Variants in SUPT3H observed in about 807,000 individuals in gnomAD.
The protein encoded by SUPT3H is transcription initiation protein SPT3 homolog.
SUPT3H carries 44 observed loss-of-function variants against 44.3 expected under a neutral mutation model. The observed-to-expected ratio is 0.99, with a 90% CI of 0.78 to 1.28. SUPT3H has a LOEUF of 1.28. SUPT3H is among the 50% of genes most tolerant of loss of function. The pLI is 0.00. For synonymous variants in SUPT3H, 124 were observed against 125.6 expected (o/e 0.99, Z 0.09); for missense variants, 380 against 387.1 (o/e 0.98, Z 0.15).
intron 2 of SUPT3H, among the ~76,000 whole-genome samples, chr6:45,123,191 G>A (rs868000335): frequency 8.5e-5 from 13 of 152,134 alleles, no homozygotes; most frequent in Admixed American, 6.5e-4. Context: ...GCTGAGGAAT[G>A]CAAATGTAAA....
At chr6:45,039,894 TG>T (rs1263291823) in intron 3 of SUPT3H, among the ~76,000 whole-genome samples, 1 of 152,110 alleles carries the variant, frequency 6.6e-6, no homozygotes, top group Non-Finnish European at 1.5e-5. Flanking sequence ...TTGCTATGCT[TG>T]AATAAAATGC....
At chr6:45,069,615 G>A (rs953804740) in intron 3 of SUPT3H, among the ~76,000 whole-genome samples, 1 of 152,042 alleles carries the variant, frequency 6.6e-6, no homozygotes, top group African/African-American at 2.4e-5. Context: ...CTATTTCCTA[G>A]AAAGTTCCTG....
chr6:45,003,793 C>A lies in SUPT3H; in HGVS notation c.365-1G>T. 1 of 1,613,280 alleles carries A rather than the reference C, an allele frequency of 6.2e-7. No individual in the cohort carries two copies. ...GCATTATTGCTGCCACTCAATTTGT[C>A]TTCATGAAGTCAAGGGAAAGAAAAA... On this transcript the variant is annotated splice_acceptor_variant, in intron 5 of 10. Coordinates refer to ENST00000371459, the MANE Select transcript of SUPT3H (RefSeq NM_003599.4). LOFTEE classifies it high-confidence loss of function.
In SUPT3H at chr6:45,095,663, C is replaced by A. The variant is rs569975747; in HGVS notation, c.186+10259G>T. On this transcript the variant is annotated intron_variant, in intron 3 of 10. Transcript: ENST00000371459. This position sits in a 1 kb window ranked among gnomAD's most constrained non-coding sequence, Gnocchi z 4.1. ...TTTTAAATGGAATGGTAATTACATTCTATGCATAAAATGTAGTGAATCTTT... is the reference window on the plus strand; with the variant it reads ...TTTTAAATGGAATGGTAATTACATTATATGCATAAAATGTAGTGAATCTTT... 4.5e-4 allele frequency among the ~76,000 whole-genome samples: 69 copies of A among 152,086 alleles called. No homozygotes were observed. The highest frequency in any genetic ancestry group is 9.0e-4 in the Non-Finnish European group (61 of 67,980).
chr6:44,864,377 TCA>T (rs1775157475), intron 10 of SUPT3H, among the ~76,000 whole-genome samples: 1 of 152,218 alleles, frequency 6.6e-6, no homozygotes, highest in Non-Finnish European at 1.5e-5. Context: ...GACCCTCTTC[TCA>T]CAGCTCCACT....
At chr6:44,888,190 G>C (rs1762649281) in intron 10 of SUPT3H, among the ~76,000 whole-genome samples, 2 of 152,154 alleles carry the variant, frequency 1.3e-5, no homozygotes, top group South Asian at 4.1e-4. Flanking sequence ...AGAGGTACAA[G>C]GAGGAATTGG....
chr6:45,044,219 G>T (rs968007296), intron 3 of SUPT3H, among the ~76,000 whole-genome samples: 2 of 151,912 alleles, frequency 1.3e-5, no homozygotes, highest in Admixed American at 1.3e-4. Flanking sequence ...TTCCAACCTC[G>T]CCCCTATGCA....
chr6:45,218,213 A>G (rs1765408677), intron 2 of SUPT3H, among the ~76,000 whole-genome samples: 1 of 152,200 alleles, frequency 6.6e-6, no homozygotes, highest in African/African-American at 2.4e-5. Flanking sequence ...TATTAATATC[A>G]GATAAGGTGA....
At chr6:45,239,075 C>T (rs1249689512) in intron 2 of SUPT3H, among the ~76,000 whole-genome samples, 3 of 152,220 alleles carry the variant, frequency 2.0e-5, no homozygotes, top group East Asian at 3.9e-4. Context: ...GCTCAAAATG[C>T]GGAGCTTGTA....
intron 2 of SUPT3H, among the ~76,000 whole-genome samples, chr6:45,313,610 C>T (rs1472722442): frequency 6.7e-6 from 1 of 148,390 alleles, no homozygotes; most frequent in Non-Finnish European, 1.5e-5. Flanking sequence ...ATACCTTGAA[C>T]AGACCAATAA....
At chr6:44,950,470 C>T (rs749789921) in intron 9 of SUPT3H, among the ~76,000 whole-genome samples, 30 of 152,060 alleles carry the variant, frequency 2.0e-4, no homozygotes, top group African/African-American at 6.0e-4. Context: ...AAAAAATAGC[C>T]GAGCATAGTG....
chr6:44,877,664 A>G (rs949996955), intron 10 of SUPT3H, among the ~76,000 whole-genome samples: 18 of 152,272 alleles, frequency 1.2e-4, no homozygotes, highest in South Asian at 6.2e-4. Flanking sequence ...GTGTATCTAT[A>G]TATCTATACA....
intron 3 of SUPT3H, among the ~76,000 whole-genome samples, chr6:45,046,653 A>G (rs1384483723): frequency 1.3e-5 from 2 of 152,224 alleles, no homozygotes. Context: ...CTATAGGTTT[A>G]CAGTGAGTTT....
intron 2 of SUPT3H, among the ~76,000 whole-genome samples, chr6:45,188,394 CA>C (rs1814597028): frequency 6.6e-6 from 1 of 152,168 alleles, no homozygotes; most frequent in Non-Finnish European, 1.5e-5. Context: ...CCTCAAACTG[CA>C]AGTTATGGCC....
intron 3 of SUPT3H, among the ~76,000 whole-genome samples, chr6:45,082,659 C>A (rs1318730075): frequency 1.3e-5 from 2 of 151,922 alleles, no homozygotes; most frequent in Non-Finnish European, 2.9e-5. Flanking sequence ...ATCATACTAC[C>A]AACATCATAG....
chr6:45,155,698 G>A (rs1473863740), intron 2 of SUPT3H, among the ~76,000 whole-genome samples: 2 of 152,084 alleles, frequency 1.3e-5, no homozygotes, highest in African/African-American at 4.8e-5. Context: ...AATGGAGTTA[G>A]TCATGCTACG....
intron 10 of SUPT3H, among the ~76,000 whole-genome samples, chr6:44,908,878 A>C (rs1381989242): frequency 2.6e-5 from 4 of 152,212 alleles, no homozygotes; most frequent in Non-Finnish European, 4.4e-5. Flanking sequence ...TAAAATTTTA[A>C]TAAATAGGTA....
chr6:45,212,704 T>C (rs1764332499), intron 2 of SUPT3H, among the ~76,000 whole-genome samples: 1 of 152,238 alleles, frequency 6.6e-6, no homozygotes, highest in Non-Finnish European at 1.5e-5. Flanking sequence ...TCTTCAGGGC[T>C]GACAATTTGC....
chr6:44,824,167 T>A (rs1419160862), downstream of SUPT3H, among the ~76,000 whole-genome samples: 1 of 152,204 alleles, frequency 6.6e-6, no homozygotes, highest in East Asian at 1.9e-4. Context: ...CTAAAGCCAT[T>A]TGGGCTCACC....
Sources: gnomAD v4.1 joint callset for allele counts (sites outside exome capture counted in the v4.1 genomes callset) on GRCh38, gnomAD v4.1.1 for gene constraint, Gnocchi (gnomAD v3.1) non-coding constraint, MANE v1.5 for transcripts, NCBI Gene and HGNC (gene_info 2026-07-23, HGNC 2026-07-21) for gene names.